SLC25A48: variants seen among roughly 807,000 people sequenced by gnomAD.
SLC25A48 encodes the protein solute carrier family 25 member 48, also known as CTC-321K16.1.
In SLC25A48, 29 loss-of-function variants were observed where a neutral mutation model predicts 32.2. The observed-to-expected ratio is 0.90, with a 90% CI of 0.67 to 1.23. The LOEUF is 1.23. Among genes scored for constraint, SLC25A48 ranks in the 50% most tolerant of loss-of-function variants. The pLI, the probability that SLC25A48 is intolerant of heterozygous loss-of-function variation, is 0.00. For missense variants in SLC25A48, 399 were observed against 422.7 expected (o/e 0.94, Z 0.49); for synonymous variants, 164 against 172.3 (o/e 0.95, Z 0.38).
chr5:135,874,609 G>T, intron 6 of SLC25A48: 1 of 672,862 alleles, frequency 1.5e-6, no homozygotes, highest in Non-Finnish European at 2.7e-6. Context: ...CCTGTGAACT[G>T]CCTTCTGCTC....
intron 3 of SLC25A48, among the ~76,000 whole-genome samples, chr5:135,773,632 C>T (rs1484625169): frequency 6.6e-6 from 1 of 151,540 alleles, no homozygotes; most frequent in African/African-American, 2.4e-5. Context: ...ATATTACTCC[C>T]AATATCCCAG....
chr5:135,652,364 A>C (rs944332684), intron 3 of SLC25A48: 2 of 456,098 alleles, frequency 4.4e-6, no homozygotes, highest in Admixed American at 4.7e-5. Context: ...CCTTCTTTGC[A>C]CATAGTGCTT....
At chr5:135,678,347 G>A (rs1753817289) in intron 3 of SLC25A48, among the ~76,000 whole-genome samples, 1 of 151,850 alleles carries the variant, frequency 6.6e-6, no homozygotes, top group Admixed American at 6.6e-5. Context: ...TTTGTTTAAT[G>A]ATTTCATTAG....
At chr5:135,728,841 TACACAC>T (rs33918902) in intron 3 of SLC25A48, among the ~76,000 whole-genome samples, 1,826 of 141,638 alleles carry the variant, frequency 0.013, 31 homozygotes, top group African/African-American at 0.043. Context: ...CATACACAAA[TACACAC>T]ACACACACAC....
At chr5:135,833,036 G>A (rs969350056), upstream of SLC25A48, among the ~76,000 whole-genome samples, 1 of 152,258 alleles carries the variant, frequency 6.6e-6, no homozygotes, top group Non-Finnish European at 1.5e-5. Context: ...TGGCCACAGA[G>A]CCAGCATTCT....
Position 135,798,310 on chromosome 5 carries a change from G to A in SLC25A48, c.-520-14213G>A, listed in dbSNP as rs376256634. Among the ~76,000 whole-genome samples, 14 of 151,804 alleles carry A rather than the reference G, an allele frequency of 9.2e-5. No homozygotes were observed. The East Asian group carries it at 1.9e-3, about 21-fold the overall frequency. On this transcript the variant is annotated intron_variant, in intron 3 of 10. Transcript: ENST00000646290. ...AGAGGATGATATTACTCCCAATATC[G>A]CAGGTGGTGTACAGCACCCCTGATA...
At chr5:135,659,394 A>T (rs1363003597) in intron 3 of SLC25A48, among the ~76,000 whole-genome samples, 1 of 152,202 alleles carries the variant, frequency 6.6e-6, no homozygotes, top group Non-Finnish European at 1.5e-5. Flanking sequence ...TTCATCTGAG[A>T]TCTAATCAGC....
At chr5:135,662,556 A>G (rs6877267) in intron 3 of SLC25A48, among the ~76,000 whole-genome samples, 110,585 of 152,024 alleles carry the variant, frequency 0.73, 40,675 homozygotes, top group Middle Eastern at 0.82. Flanking sequence ...ACAGAGAGAT[A>G]CAGCCAATGG....
At chr5:135,835,765 C>T (rs1758455160) in intron 1 of SLC25A48, among the ~76,000 whole-genome samples, 1 of 151,692 alleles carries the variant, frequency 6.6e-6, no homozygotes, top group South Asian at 2.1e-4. Context: ...AATGTAGCCC[C>T]TCACCAAAGG....
chr5:135,863,191 A>G (rs183315590), intron 4 of SLC25A48, among the ~76,000 whole-genome samples: 1 of 152,308 alleles, frequency 6.6e-6, no homozygotes, highest in African/African-American at 2.4e-5. Flanking sequence ...TTGGATGACA[A>G]TGAGACAAGT....
chr5:135,858,571 G>A (rs1760524340), intron 4 of SLC25A48, among the ~76,000 whole-genome samples: 1 of 152,206 alleles, frequency 6.6e-6, no homozygotes, highest in African/African-American at 2.4e-5. Flanking sequence ...ATTTACTATG[G>A]GGAGACTGAG....
At chr5:135,748,763 G>C (rs1755701201) in intron 3 of SLC25A48, among the ~76,000 whole-genome samples, 1 of 140,798 alleles carries the variant, frequency 7.1e-6, no homozygotes, top group Middle Eastern at 4.2e-3. Context: ...CTGTTGCCCA[G>C]GCTGGAGTGC....
At chr5:135,762,892 G>A in intron 3 of SLC25A48, among the ~76,000 whole-genome samples, 1 of 152,210 alleles carries the variant, frequency 6.6e-6, no homozygotes, top group South Asian at 2.1e-4. Context: ...CAGCAAATGT[G>A]AGTGTGTGAA....
intron 1 of SLC25A48, among the ~76,000 whole-genome samples, chr5:135,606,200 T>G (rs1243188884): frequency 1.3e-5 from 2 of 152,208 alleles, no homozygotes; most frequent in African/African-American, 4.8e-5. Context: ...CTTACCTTTT[T>G]CTTCCACATA....
intron 3 of SLC25A48, among the ~76,000 whole-genome samples, chr5:135,681,236 A>G (rs1381441072): frequency 6.6e-6 from 1 of 152,186 alleles, no homozygotes; most frequent in African/African-American, 2.4e-5. Flanking sequence ...GGCCTCCCAA[A>G]GTGCTGGGAT....
intron 3 of SLC25A48, among the ~76,000 whole-genome samples, chr5:135,700,077 T>C (rs1394609354): frequency 6.6e-6 from 1 of 152,064 alleles, no homozygotes; most frequent in Non-Finnish European, 1.5e-5. Flanking sequence ...GGCCTTGCAG[T>C]CCTGCACTTA....
chr5:135,591,781 G>A (rs932502699), intron 1 of SLC25A48, among the ~76,000 whole-genome samples: 11 of 152,120 alleles, frequency 7.2e-5, no homozygotes, highest in Admixed American at 7.2e-4. Context: ...TGGCAAAATG[G>A]GGGCCCTATT....
chr5:135,587,929 T>C (rs1184581738), intron 1 of SLC25A48, among the ~76,000 whole-genome samples: 1 of 152,062 alleles, frequency 6.6e-6, no homozygotes, highest in Non-Finnish European at 1.5e-5. Flanking sequence ...GGAAACCAGA[T>C]GTGGATGCTA....
chr5:135,746,551 C>T (rs1755646929), intron 3 of SLC25A48, among the ~76,000 whole-genome samples: 1 of 152,150 alleles, frequency 6.6e-6, no homozygotes, highest in South Asian at 2.1e-4. Context: ...AATAAGTCTC[C>T]AAAAGAGAGG....
Sources: allele counts gnomAD v4.1 joint callset (sites outside exome capture counted in the v4.1 genomes callset), GRCh38; gene constraint gnomAD v4.1.1; transcripts MANE v1.5; gene names NCBI Gene and HGNC (gene_info 2026-07-23, HGNC 2026-07-21).